Variants in EEF1G observed in about 807,000 individuals in gnomAD.
The protein encoded by EEF1G is eukaryotic translation elongation factor 1 gamma.
A neutral mutation model predicts 58.3 loss-of-function variants in EEF1G; 14 were observed. That is an observed-to-expected ratio of 0.24 (90% CI 0.16 to 0.38). EEF1G has a LOEUF of 0.38. Ranked by LOEUF, EEF1G falls within the 10% of genes least tolerant of loss-of-function variation. EEF1G has a pLI of 1.00. For synonymous variants in EEF1G, 180 were observed against 206.8 expected (o/e 0.87, Z 1.11); for missense variants, 322 against 550.1 (o/e 0.59, Z 4.15).
chr11:62,573,866 T>TG lies in EEF1G; in HGVS notation c.-25dup. 1.2e-6 allele frequency: 2 copies of TG among 1,612,614 alleles called. No homozygotes were observed. Among genetic ancestry groups the TG allele is most frequent in the Non-Finnish European group, 1.7e-6 (2 of 1,179,630 alleles). ...ATGGTGATTCCGCAAAGAAAGGGGG[T>TG]GGGGTTCTCGGCGCTGCCGCAAAGT... is the stretch of plus-strand genomic sequence containing the variant. On this transcript the variant is annotated 5_prime_UTR_variant, in exon 1 of 10. Coordinates refer to ENST00000329251, the MANE Select transcript of EEF1G (RefSeq NM_001404.5).
At chr11:62,569,939 T>G (rs930496450) in intron 5 of EEF1G, among the ~76,000 whole-genome samples, 1 of 152,172 alleles carries the variant, frequency 6.6e-6, no homozygotes, top group Non-Finnish European at 1.5e-5. Context: ...ACCCTGATTT[T>G]ATAGATTGCA....
chr11:62,567,708 AT>A lies in EEF1G; in HGVS notation c.523-181del, dbSNP rs71458421. On this transcript the variant is annotated intron_variant, in intron 5 of 9. Transcript: ENST00000329251. ...ACTTCCCATTTCTTCATTTTTTTCA[AT>A]TTTTTTTTTTTTTGAGACAGAGTCT... 9.9e-3 allele frequency among the ~76,000 whole-genome samples: 1,425 copies of A among 143,422 alleles called. 8 individuals carry two copies. The highest frequency in any genetic ancestry group is 0.014 in the Non-Finnish European group (936 of 65,640). 94.1% of individuals were successfully genotyped at this position (143,422 alleles called of 152,430 possible). A position where few individuals can be genotyped will look rare whatever the true frequency, so the allele number is the denominator to read the frequency against.
At chr11:62,571,767 C>T in intron 3 of EEF1G, 71 bp downstream of exon 3, 2 of 1,562,022 alleles carry the variant, frequency 1.3e-6, no homozygotes, top group Non-Finnish European at 8.7e-7. Flanking sequence ...ATATCCACCC[C>T]CGCTCACACT....
chr11:62,567,284 C>G, intron 6 of EEF1G, 115 bp downstream of exon 6: 1 of 1,366,464 alleles, frequency 7.3e-7, no homozygotes, highest in Non-Finnish European at 9.8e-7. Context: ...CACATTGACA[C>G]CCTACATTCT....
At chr11:62,569,544 G>C (rs969691158) in intron 5 of EEF1G, among the ~76,000 whole-genome samples, 1 of 152,132 alleles carries the variant, frequency 6.6e-6, no homozygotes, top group Non-Finnish European at 1.5e-5. Flanking sequence ...TATTAAGCAT[G>C]GTCAAAGAAA....
In EEF1G at chr11:62,572,753, AAG is replaced by A. The variant is rs754943309; in HGVS notation, c.13-13_13-12del. 6.2e-7 allele frequency: 1 copy of A among 1,601,862 alleles called. No homozygotes were observed. The highest frequency in any genetic ancestry group is 8.5e-7 in the Non-Finnish European group (1 of 1,170,796). On this transcript the variant is annotated splice_polypyrimidine_tract_variant and intron_variant, in intron 1 of 9. Transcript: ENST00000329251. ...ATACGTGTACAGGGTCTATGGGAGA[AAG>A]AGAGGGACAAAATTAATGAGTAGAA...
chr11:62,573,378 T>G (rs1375436382), intron 1 of EEF1G: 3 of 190,782 alleles, frequency 1.6e-5, no homozygotes, highest in African/African-American at 2.4e-5. Flanking sequence ...GGAGTCCAAT[T>G]GGTCTGACTT....
At chr11:62,566,761 C>T (rs1194468845) in intron 7 of EEF1G, 45 bp downstream of exon 7, 4 of 1,585,766 alleles carry the variant, frequency 2.5e-6, no homozygotes. Context: ...GAGGTGAGAA[C>T]AGGCCTTCTT....
At chr11:62,564,633 G>A (rs1474820624) in intron 7 of EEF1G, among the ~76,000 whole-genome samples, 3 of 151,548 alleles carry the variant, frequency 2.0e-5, no homozygotes, top group Admixed American at 6.6e-5. Flanking sequence ...ATGGTGGTGC[G>A]TGCCTGTAGT....
At chr11:62,562,529 T>C (rs1165822315) in intron 7 of EEF1G, among the ~76,000 whole-genome samples, 1 of 152,170 alleles carries the variant, frequency 6.6e-6, no homozygotes, top group East Asian at 1.9e-4. Flanking sequence ...TCACCCAGGC[T>C]GGAATGCAGT....
At chr11:62,572,382 A>T (rs539449548) in intron 2 of EEF1G, among the ~76,000 whole-genome samples, 1 of 152,356 alleles carries the variant, frequency 6.6e-6, no homozygotes, top group East Asian at 1.9e-4. Context: ...TAAACTCGTG[A>T]ATTTTATAAA....
rs1340939647 is a variant in EEF1G, at chr11:62,572,675, G to A, written c.80C>T (p.Ala27Val). Residue 27 changes from alanine (A) to valine (V), a missense_variant, in exon 2 of 10, where the codon GCT (alanine) becomes GTT (valine). By Grantham distance (64) the Ala-to-Val change is moderately conservative. Transcript: ENST00000329251. ...TGGTGCGGAGAGCACGCGGACCTGAGCCCCGCTGTACTGAGCAGCGATGAG... is the reference window on the plus strand; with the variant it reads ...TGGTGCGGAGAGCACGCGGACCTGAACCCCGCTGTACTGAGCAGCGATGAG... The part of the protein sequence containing the change: ...KALIAAQYSG[A>V]QVRVLSAPPH... 2 of 1,613,170 alleles carry A rather than the reference G, an allele frequency of 1.2e-6. No homozygotes were observed. The highest frequency in any genetic ancestry group is 2.7e-5 in the African/African-American group (2 of 74,906).
chr11:62,563,749 T>TCCC (rs1325317990), intron 7 of EEF1G, among the ~76,000 whole-genome samples: 1 of 152,106 alleles, frequency 6.6e-6, no homozygotes, highest in Non-Finnish European at 1.5e-5. Flanking sequence ...ACCCTGACCC[T>TCCC]CCCCTCTCTT....
intron 2 of EEF1G, 124 bp from the exon 3 acceptor site, chr11:62,572,025 G>C (rs1941639912): frequency 2.4e-6 from 2 of 818,158 alleles, no homozygotes; most frequent in Admixed American, 4.6e-5. Context: ...CCAAACTCTT[G>C]ATACTCAAGA....
intron 4 of EEF1G, 55 bp from the exon 5 acceptor site, chr11:62,571,163 C>T (rs1418016542): frequency 9.9e-6 from 16 of 1,611,610 alleles, no homozygotes; most frequent in Non-Finnish European, 1.3e-5. Flanking sequence ...TTTCCCTCAC[C>T]TCCCCCATTA....
rs1186857901 is a variant in EEF1G, at chr11:62,571,082, C to G, written c.405G>C (p.Val135=). 1 of 1,613,992 alleles carries G rather than the reference C, an allele frequency of 6.2e-7. No homozygotes were observed. Among genetic ancestry groups the G allele is most frequent in the East Asian group, 2.2e-5 (1 of 44,890 alleles). The change falls in exon 5 of 10, where the codon GTG becomes GTC. Residue 135 remains valine, a synonymous_variant. Transcript: ENST00000329251. ...KQATENAKEE[V]RRILGLLDAY... ...CATCCAGCAGCCCCAGAATTCGCCT[C>G]ACTTCCTCCTTTGCATTCTCAGTGG...
intron 7 of EEF1G, among the ~76,000 whole-genome samples, chr11:62,561,669 AACAAAAAAAAAAC>A (rs1179594992): frequency 1.4e-5 from 1 of 74,004 alleles, no homozygotes; most frequent in African/African-American, 4.4e-5. Context: ...TCAAAAAAAA[AACAAAAAAAAAAC>A]AAAAAAAAAA....
intron 7 of EEF1G, among the ~76,000 whole-genome samples, chr11:62,565,108 A>C (rs1941541873): frequency 6.6e-6 from 1 of 151,660 alleles, no homozygotes; most frequent in Admixed American, 6.6e-5. Context: ...AAAAACACAA[A>C]AAGGAGCCAG....
intron 7 of EEF1G, among the ~76,000 whole-genome samples, chr11:62,564,100 A>C (rs1941529019): frequency 6.6e-6 from 1 of 152,230 alleles, no homozygotes; most frequent in Admixed American, 6.5e-5. Context: ...CTGGGTCTTA[A>C]AAGAACTAGA....
Sources: allele counts gnomAD v4.1 joint callset (sites outside exome capture counted in the v4.1 genomes callset), GRCh38; gene constraint gnomAD v4.1.1; transcripts MANE v1.5; gene names NCBI Gene and HGNC (gene_info 2026-07-23, HGNC 2026-07-21).